Variants in DISP3 observed in about 807,000 individuals in gnomAD.
The protein encoded by DISP3 is dispatched RND transporter family member 3.
DISP3 carries 101 observed loss-of-function variants against 135.3 expected under a neutral mutation model. The observed-to-expected ratio is 0.75, with a 90% CI of 0.64 to 0.88. The LOEUF (loss-of-function observed/expected upper bound fraction) is 0.88. DISP3 is among the 40% of genes least tolerant of loss of function. The pLI is 0.00. For synonymous variants in DISP3, 856 were observed against 817.0 expected (o/e 1.05, Z -0.81); for missense variants, 1,713 against 1,878.6 (o/e 0.91, Z 1.63).
rs1259666390 is a variant in DISP3, at chr1:11,529,441, C to T, written c.2799-115C>T. 7.1e-6 allele frequency: 9 copies of T among 1,268,626 alleles called. No individual in the cohort carries two copies. The highest frequency in any genetic ancestry group is 6.5e-6 in the Non-Finnish European group (6 of 921,288). 78.6% of individuals were successfully genotyped at this position (1,268,626 alleles called of 1,614,324 possible). A position where few individuals can be genotyped will look rare whatever the true frequency, so the allele number is the denominator to read the frequency against. Reference sequence around the variant, plus strand: ...CAAATCCCCATGCCGGGGCAGAGCCCGAGTCCAGACCCCATGACACCCCAG... The same window carrying T: ...CAAATCCCCATGCCGGGGCAGAGCCTGAGTCCAGACCCCATGACACCCCAG... On this transcript the variant is annotated intron_variant, in intron 13 of 20. Coordinates refer to ENST00000294484, the MANE Select transcript of DISP3 (RefSeq NM_020780.2). This position sits in a 1 kb window ranked among gnomAD's most constrained non-coding sequence, Gnocchi z 4.7.
intron 10 of DISP3, among the ~76,000 whole-genome samples, chr1:11,523,725 T>G (rs997385987): frequency 2.0e-5 from 3 of 152,156 alleles, no homozygotes; most frequent in Admixed American, 2.0e-4. Context: ...GGCAGGCTGA[T>G]GGTGCCTTTC....
chr1:11,487,902 G>T (rs758352575), intron 1 of DISP3, among the ~76,000 whole-genome samples: 1 of 152,168 alleles, frequency 6.6e-6, no homozygotes, highest in Non-Finnish European at 1.5e-5. Context: ...TGGTTCCCCA[G>T]CCCTAAATTA....
At position 11,535,599 on chromosome 1, in the gene DISP3, G is replaced by T. The variant is rs144220134; in HGVS notation, c.3771G>T (p.Glu1257Asp). The part of the protein sequence containing the change: ...SSVDYCVHLV[E>D]GYLLAGENLP... ...TGGATTACTGCGTCCACCTGGTCGAGGGCTACCTGCTGGCTGGAGAGAACC... is the reference window on the plus strand; with the variant it reads ...TGGATTACTGCGTCCACCTGGTCGATGGCTACCTGCTGGCTGGAGAGAACC... The change falls in exon 20 of 21, where the codon GAG (glutamate) becomes GAT (aspartate). Residue 1257 changes from glutamate (E) to aspartate (D), a missense_variant. Transcript: ENST00000294484. The T allele has an allele frequency of 6.2e-7, 1 of 1,613,268 alleles. No individual in the cohort carries two copies.
In DISP3 at chr1:11,516,972, G is replaced by T. The variant is rs1435254396; in HGVS notation, c.1750-491G>T. ...TCACAGAGTGTAGGCTGCTCTGTTG[G>T]TGGCTACAGCTTCCTTCCAACTAGC... On this transcript the variant is annotated intron_variant, in intron 6 of 20. Coordinates refer to ENST00000294484, the MANE Select transcript of DISP3 (RefSeq NM_020780.2). This position sits in a 1 kb window ranked among gnomAD's most constrained non-coding sequence, Gnocchi z 5.1. Among the ~76,000 whole-genome samples, 1 of 152,010 alleles carries T rather than the reference G, an allele frequency of 6.6e-6. No individual in the cohort carries two copies. The highest frequency in any genetic ancestry group is 2.4e-5 in the African/African-American group (1 of 41,372).
Position 11,526,745 on chromosome 1 carries a change from G to A in DISP3, c.2708G>A (p.Trp903Ter). ...CAGGCGGCGAGCCCCTCCCGCAAGT[G>A]GATGCTGACGACCTTGGCCTGTGAT... ...LLQAASPSRK[W>*]MLTTLACDAK... Residue 903 changes from tryptophan to a stop codon, truncating the protein, a stop_gained, in exon 13 of 21, where the codon TGG becomes TAG. Transcript: ENST00000294484. LOFTEE classifies it high-confidence loss of function. 1.2e-6 allele frequency: 2 copies of A among 1,614,054 alleles called. No homozygotes were observed. The highest frequency in any genetic ancestry group is 1.7e-6 in the Non-Finnish European group (2 of 1,180,038).
intron 3 of DISP3, among the ~76,000 whole-genome samples, chr1:11,513,657 T>C (rs1641920890): frequency 6.6e-6 from 1 of 152,224 alleles, no homozygotes; most frequent in East Asian, 1.9e-4. Context: ...AGTGGGTTTA[T>C]AGTTTTCATC....
At chr1:11,522,615 AGG>A (rs1642240801) in intron 10 of DISP3, among the ~76,000 whole-genome samples, 1 of 134,284 alleles carries the variant, frequency 7.4e-6, no homozygotes, top group African/African-American at 2.8e-5. Flanking sequence ...GAGCCCAGCC[AGG>A]ACCCAGCCAG....
intron 2 of DISP3, 44 bp downstream of exon 2, chr1:11,502,132 A>T: frequency 6.6e-7 from 1 of 1,518,268 alleles, no homozygotes; most frequent in East Asian, 2.3e-5. Flanking sequence ...TCCAGGTTTC[A>T]TACAGCTCTT....
chr1:11,519,803 A>G lies in DISP3; in HGVS notation c.2123A>G (p.His708Arg), dbSNP rs773135377. 1.6e-5 allele frequency: 25 copies of G among 1,612,906 alleles called. No individual in the cohort carries two copies. Among genetic ancestry groups the G allele is most frequent in the Non-Finnish European group, 2.0e-5 (24 of 1,179,990 alleles). Residue 708 changes from histidine to arginine, a missense_variant, in exon 9 of 21, where the codon CAT becomes CGT. Physicochemically the swap from His to Arg is conservative, Grantham distance 29 (BLOSUM62 0). Transcript: ENST00000294484. The surrounding 1 kb of genome is among the most constrained non-coding windows in gnomAD (Gnocchi z 4.3). ...QPASNTGSRGHLIVQLQELLH... is the reference protein window; with the variant it reads ...QPASNTGSRGRLIVQLQELLH... ...GCCTCCAACACGGGCAGCCGCGGCC[A>G]TCTCATCGTGCAGCTGCAGGAGCTG...
intron 1 of DISP3, among the ~76,000 whole-genome samples, chr1:11,500,668 G>A (rs1481391421): frequency 6.6e-6 from 1 of 151,196 alleles, no homozygotes; most frequent in East Asian, 1.9e-4. Context: ...AAATTGTGTA[G>A]TCAGATTTTT....
intron 1 of DISP3, among the ~76,000 whole-genome samples, chr1:11,480,313 C>T (rs1640862533): frequency 6.6e-6 from 1 of 152,168 alleles, no homozygotes; most frequent in Non-Finnish European, 1.5e-5. Flanking sequence ...CCCGCGCACA[C>T]CCACAGTCCA....
Position 11,501,596 on chromosome 1 carries a change from C to A in DISP3, c.604C>A (p.Arg202=), listed in dbSNP as rs1475982304. ...AAAGCCCACAGCCAATCGGAGCGGGCGACTTCGGCGTGAGACCCCGCCCCT... is the reference window on the plus strand; with the variant it reads ...AAAGCCCACAGCCAATCGGAGCGGGAGACTTCGGCGTGAGACCCCGCCCCT... ...AQKPTANRSG[R]LRRETPPLED... The change falls in exon 2 of 21, where the codon CGA becomes AGA. Residue 202 remains arginine (R), a synonymous_variant. Coordinates refer to ENST00000294484, the MANE Select transcript of DISP3 (RefSeq NM_020780.2). This position sits in a 1 kb window ranked among gnomAD's most constrained non-coding sequence, Gnocchi z 4.9. 3 of 1,598,992 alleles carry A rather than the reference C, an allele frequency of 1.9e-6. No individual in the cohort carries two copies. Among genetic ancestry groups the A allele is most frequent in the Middle Eastern group, 1.7e-4 (1 of 5,988 alleles).
rs1196117412 is a variant in DISP3, at chr1:11,520,154, TCC to T, written c.2200+276_2200+277del. Reference sequence around the variant, plus strand: ...GGAGTTAGACCCACTTGAGTCTGAGTCCCAGTTTGGCCGCGTCCTAGCTGTGT... The same window carrying T: ...GGAGTTAGACCCACTTGAGTCTGAGTCAGTTTGGCCGCGTCCTAGCTGTGT... On this transcript the variant is annotated intron_variant, in intron 9 of 20. Transcript: ENST00000294484. This position sits in a 1 kb window ranked among gnomAD's most constrained non-coding sequence, Gnocchi z 4.8. 3.3e-5 allele frequency among the ~76,000 whole-genome samples: 5 copies of T among 151,974 alleles called. No individual in the cohort carries two copies. Among genetic ancestry groups the T allele is most frequent in the Non-Finnish European group, 7.3e-5 (5 of 68,030 alleles).
chr1:11,516,158 C>T lies in DISP3; in HGVS notation c.1746C>T (p.Ser582=). ...CCGCCTACGCAGCTAACGTCTTCTC[C>T]CAGGTGCGGACCTGTCCTCCATTCC... ...TAAAYAANVF[S]QIPAVHDFGL... Residue 582 remains serine, a synonymous_variant, in exon 6 of 21, where the codon TCC becomes TCT. Transcript: ENST00000294484. The surrounding 1 kb of genome is among the most constrained non-coding windows in gnomAD (Gnocchi z 5.1). The T allele has an allele frequency of 1.9e-6, 3 of 1,613,556 alleles. No individual in the cohort carries two copies. The highest frequency in any genetic ancestry group is 1.7e-4 in the Middle Eastern group (1 of 6,060).
chr1:11,502,569 CA>C (rs1641577215), intron 2 of DISP3, 108 bp from the exon 3 acceptor site: 1 of 855,892 alleles, frequency 1.2e-6, no homozygotes, highest in South Asian at 1.7e-5. Context: ...TGGATATGGA[CA>C]GGGGGAATCC....
chr1:11,496,943 A>G (rs1380086274), intron 1 of DISP3, among the ~76,000 whole-genome samples: 1 of 152,178 alleles, frequency 6.6e-6, no homozygotes, highest in Admixed American at 6.5e-5. Flanking sequence ...CCAGGCCTGG[A>G]GACACGTGGG....
rs1557615691 is a variant in DISP3, at chr1:11,522,900, C to CCCT, written c.2363-1042_2363-1041insCCT. The stretch of plus-strand genomic sequence containing the variant: ...AGCCAGAGCCCAGCCAGGACCCAGC[C>CCCT]AGAGCCCAGCCAGGACCCAGCAAGG... On this transcript the variant is annotated intron_variant, in intron 10 of 20. Transcript: ENST00000294484. Among the ~76,000 whole-genome samples, 4 of 49,356 alleles carry CCCT rather than the reference C, an allele frequency of 8.1e-5. 1 individual carries two copies. The highest frequency in any genetic ancestry group is 7.0e-4 in the East Asian group (2 of 2,874). 32.4% of individuals were successfully genotyped at this position (49,356 alleles called of 152,430 possible). A position where few individuals can be genotyped will look rare whatever the true frequency, so the allele number is the denominator to read the frequency against.
chr1:11,534,480 G>A lies in DISP3; in HGVS notation c.3475G>A (p.Val1159Ile). 1 of 1,614,144 alleles carries A rather than the reference G, an allele frequency of 6.2e-7. No individual in the cohort carries two copies. The highest frequency in any genetic ancestry group is 8.5e-7 in the Non-Finnish European group (1 of 1,180,048). ...GCTGCAGGCCTTGCCCGAGGGCTCA[G>A]TCCTGCGCCGGGGCTTCCAGACCTG... The part of the protein sequence containing the change: ...QQLQALPEGS[V>I]LRRGFQTCEH... Residue 1159 changes from valine to isoleucine, a missense_variant, in exon 18 of 21, where the codon GTC becomes ATC. Val to Ile is a conservative substitution (Grantham distance 29). Coordinates refer to ENST00000294484, the MANE Select transcript of DISP3 (RefSeq NM_020780.2).
chr1:11,527,321 G>C (rs924706990), intron 13 of DISP3, among the ~76,000 whole-genome samples: 1 of 152,096 alleles, frequency 6.6e-6, no homozygotes, highest in East Asian at 1.9e-4. Context: ...AGGCCGAGGT[G>C]GGCGGATCAC....
Sources: gnomAD v4.1 joint callset for allele counts (sites outside exome capture counted in the v4.1 genomes callset) on GRCh38, gnomAD v4.1.1 for gene constraint, Gnocchi (gnomAD v3.1) non-coding constraint, MANE v1.5 for transcripts, NCBI Gene and HGNC (gene_info 2026-07-23, HGNC 2026-07-21) for gene names.